Variants in GRIK4 observed in about 807,000 individuals in gnomAD.
GRIK4 encodes the protein glutamate receptor ionotropic, kainate 4.
GRIK4 carries 40 observed loss-of-function variants against 104.9 expected under a neutral mutation model. The ratio of observed to expected loss-of-function variants is 0.38; its 90% CI spans 0.30 to 0.50. The LOEUF (loss-of-function observed/expected upper bound fraction) is 0.50. Among genes scored for constraint, GRIK4 ranks in the 20% least tolerant of loss-of-function variants. The probability of loss-of-function intolerance (pLI) is 0.93; values close to 1 mark genes in which losing one functional copy is unlikely to be tolerated. For missense variants in GRIK4, 1,047 were observed against 1,308.1 expected (o/e 0.80, Z 3.08); for synonymous variants, 485 against 524.9 (o/e 0.92, Z 1.04).
At chr11:120,711,006 G>GGT in intron 3 of GRIK4, among the ~76,000 whole-genome samples, 1 of 147,010 alleles carries the variant, frequency 6.8e-6, no homozygotes, top group Non-Finnish European at 1.5e-5. Flanking sequence ...GTGGGGAGGG[G>GGT]GTGTGAGCAG....
chr11:120,936,755 G>A (rs1445276823), intron 13 of GRIK4: 1 of 152,608 alleles, frequency 6.6e-6, no homozygotes, highest in South Asian at 2.1e-4. Context: ...GTACTTCAGT[G>A]GCTGTGAAAG....
chr11:120,870,429 C>T (rs1954572523), intron 9 of GRIK4: 1 of 152,274 alleles, frequency 6.6e-6, no homozygotes, highest in Admixed American at 6.5e-5. Context: ...AGCCTGCCCA[C>T]CATCCCTTCC....
At chr11:120,528,651 C>A (rs1947889008) in intron 1 of GRIK4, among the ~76,000 whole-genome samples, 1 of 152,160 alleles carries the variant, frequency 6.6e-6, no homozygotes, top group African/African-American at 2.4e-5. Context: ...GGAGGCCTCA[C>A]AATCATGGCG....
intron 8 of GRIK4, among the ~76,000 whole-genome samples, chr11:120,837,543 A>T (rs1170639699): frequency 1.3e-5 from 2 of 152,174 alleles, no homozygotes; most frequent in African/African-American, 4.8e-5. Context: ...CACACATATT[A>T]TATGCGCGTA....
At chr11:120,828,435 TG>T (rs1242162194) in intron 6 of GRIK4, among the ~76,000 whole-genome samples, 1 of 151,874 alleles carries the variant, frequency 6.6e-6, no homozygotes, top group Non-Finnish European at 1.5e-5. Flanking sequence ...AGGGAGGAGA[TG>T]GGGTAAAGGG....
intron 3 of GRIK4, among the ~76,000 whole-genome samples, chr11:120,798,785 A>C (rs896348677): frequency 1.4e-4 from 21 of 152,326 alleles, no homozygotes; most frequent in African/African-American, 4.8e-4. Context: ...GTCTCTTCTT[A>C]TAAGGACACT....
intron 11 of GRIK4, among the ~76,000 whole-genome samples, chr11:120,886,756 G>A (rs1955129683): frequency 6.6e-6 from 1 of 152,222 alleles, no homozygotes; most frequent in African/African-American, 2.4e-5. Flanking sequence ...TTTTCCTACA[G>A]TGGCCCTTTC....
chr11:120,746,549 G>A (rs889469688), intron 3 of GRIK4, among the ~76,000 whole-genome samples: 3 of 152,184 alleles, frequency 2.0e-5, no homozygotes, highest in African/African-American at 7.2e-5. Flanking sequence ...AGAGCCCAGG[G>A]TCAACGAATG....
rs978527106 is a variant in GRIK4 at position 120,672,245 on chromosome 11, G to A, written c.82+11845G>A. On this transcript the variant is annotated intron_variant, in intron 3 of 20. Coordinates refer to ENST00000527524, the MANE Select transcript of GRIK4 (RefSeq NM_014619.5). Reference sequence around the variant, plus strand: ...AGCTTGGTCAACATGGTGAAACCCCGTCTCTACTAAAAATACAAAAATTAG... The same window carrying A: ...AGCTTGGTCAACATGGTGAAACCCCATCTCTACTAAAAATACAAAAATTAG... 3.5e-4 allele frequency among the ~76,000 whole-genome samples: 53 copies of A among 152,060 alleles called. 1 individual carries two copies. The highest frequency in any genetic ancestry group is 2.4e-3 in the Admixed American group (36 of 15,278).
rs751376743 is a variant in GRIK4 at position 120,952,858 on chromosome 11, C to T, written c.1594C>T (p.Arg532Cys). ...TTGTTTTTCTCTCCATTTCCAGGGA[C>T]GCAAACCCGGCTATTTCTCCTTCCT... is the stretch of plus-strand genomic sequence containing the variant. Reference protein sequence around the residue: ...ISILYRVHMGRKPGYFSFLDP... With the variant: ...ISILYRVHMGCKPGYFSFLDP... The change falls in exon 15 of 21, where the codon CGC (arginine) becomes TGC (cysteine). Residue 532 changes from arginine (R) to cysteine (C), a missense_variant. Transcript: ENST00000527524. This position sits in a 1 kb window ranked among gnomAD's most constrained non-coding sequence, Gnocchi z 5.2. 5.6e-6 allele frequency: 9 copies of T among 1,609,332 alleles called. 1 individual carries two copies. The highest frequency in any genetic ancestry group is 2.2e-5 in the South Asian group (2 of 90,982).
At chr11:120,672,240 AC>A (rs901323663) in intron 3 of GRIK4, among the ~76,000 whole-genome samples, 4 of 151,920 alleles carry the variant, frequency 2.6e-5, no homozygotes, top group African/African-American at 9.7e-5. Context: ...ACATGGTGAA[AC>A]CCCGTCTCTA....
intron 3 of GRIK4, among the ~76,000 whole-genome samples, chr11:120,791,929 A>T (rs145327488): frequency 5.0e-4 from 76 of 152,330 alleles, no homozygotes; most frequent in African/African-American, 1.7e-3. Flanking sequence ...AAGTTGGCAT[A>T]GAATCCCTCA....
At chr11:120,641,675 A>G (rs533246654) in intron 1 of GRIK4, among the ~76,000 whole-genome samples, 2 of 152,346 alleles carry the variant, frequency 1.3e-5, no homozygotes, top group South Asian at 4.1e-4. Flanking sequence ...GAGGATGACC[A>G]GACTTCACTT....
intron 4 of GRIK4, among the ~76,000 whole-genome samples, chr11:120,810,546 A>G (rs1188286382): frequency 1.3e-5 from 2 of 152,200 alleles, no homozygotes; most frequent in Non-Finnish European, 2.9e-5. Flanking sequence ...GGGCAAGAGA[A>G]GCCTAGACCA....
At chr11:120,676,277 C>A (rs1240523056) in intron 3 of GRIK4, among the ~76,000 whole-genome samples, 2 of 152,210 alleles carry the variant, frequency 1.3e-5, no homozygotes, top group Non-Finnish European at 2.9e-5. Flanking sequence ...TCGATTGAAT[C>A]TCCCAGGATA....
At chr11:120,771,279 C>G (rs574154816) in intron 3 of GRIK4, among the ~76,000 whole-genome samples, 3 of 152,074 alleles carry the variant, frequency 2.0e-5, no homozygotes, top group African/African-American at 7.2e-5. Flanking sequence ...AAATTTCAGG[C>G]AGAAATGAGG....
At chr11:120,837,791 G>A (rs893817212) in intron 8 of GRIK4, among the ~76,000 whole-genome samples, 3 of 152,066 alleles carry the variant, frequency 2.0e-5, no homozygotes, top group African/African-American at 7.2e-5. Context: ...TTTGCTTAAA[G>A]TAAGGAGGCA....
At chr11:120,778,992 T>C (rs542345686) in intron 3 of GRIK4, among the ~76,000 whole-genome samples, 1 of 152,302 alleles carries the variant, frequency 6.6e-6, no homozygotes, top group East Asian at 1.9e-4. Flanking sequence ...CAGCCCCTGC[T>C]CTGAGAGCAC....
At chr11:120,580,203 C>CTTTCTT (rs1402980055) in intron 1 of GRIK4, among the ~76,000 whole-genome samples, 1 of 65,056 alleles carries the variant, frequency 1.5e-5, no homozygotes, top group African/African-American at 6.5e-5. Context: ...AGGGTTCTTT[C>CTTTCTT]TTTCTTTCTT....
Sources: gnomAD v4.1 joint callset for allele counts (sites outside exome capture counted in the v4.1 genomes callset) on GRCh38, gnomAD v4.1.1 for gene constraint, Gnocchi (gnomAD v3.1) non-coding constraint, MANE v1.5 for transcripts, NCBI Gene and HGNC (gene_info 2026-07-23, HGNC 2026-07-21) for gene names.